OR9Q1: variants seen among roughly 807,000 people sequenced by gnomAD.
OR9Q1 encodes olfactory receptor 9Q1.
For missense variants in OR9Q1, 374 were observed against 378.8 expected, an observed-to-expected ratio of 0.99 and a Z score of 0.11; for synonymous variants, 153 against 148.6, an observed-to-expected ratio of 1.03 and a Z score of -0.22.
intron 2 of OR9Q1, among the ~76,000 whole-genome samples, chr11:58,084,749 T>C (rs970500847): frequency 3.9e-5 from 6 of 152,032 alleles, no homozygotes; most frequent in African/African-American, 1.5e-4. Flanking sequence ...CATCCTTTCA[T>C]GTTAGAAACC....
chr11:58,056,846 A>G (rs908025941), intron 2 of OR9Q1, among the ~76,000 whole-genome samples: 3 of 152,132 alleles, frequency 2.0e-5, no homozygotes. Flanking sequence ...CCCATCCCCA[A>G]GCCTCTCACT....
intron 2 of OR9Q1, among the ~76,000 whole-genome samples, chr11:58,170,323 A>G (rs1319032645): frequency 1.4e-5 from 2 of 141,006 alleles, no homozygotes; most frequent in East Asian, 2.9e-4. Flanking sequence ...CAGCCTACAC[A>G]TAACATTTTT....
intron 2 of OR9Q1, among the ~76,000 whole-genome samples, chr11:58,173,287 TC>T (rs1854572490): frequency 1.6e-5 from 1 of 61,326 alleles, no homozygotes; most frequent in Admixed American, 2.4e-4. Context: ...CCCTCCCCCC[TC>T]CCCCCACCCC....
intron 2 of OR9Q1, among the ~76,000 whole-genome samples, chr11:58,123,753 T>C (rs1854059845): frequency 6.6e-6 from 1 of 152,164 alleles, no homozygotes; most frequent in East Asian, 1.9e-4. Flanking sequence ...AGAAAGACCC[T>C]TTATGCAGAT....
intron 2 of OR9Q1, chr11:58,059,947 G>C (rs1246690788): frequency 3.9e-5 from 6 of 152,100 alleles, no homozygotes; most frequent in African/African-American, 1.4e-4. Flanking sequence ...CACTCTCCAG[G>C]CTTCTCTGTA....
intron 2 of OR9Q1, among the ~76,000 whole-genome samples, chr11:58,139,332 T>C (rs1477385067): frequency 5.9e-5 from 9 of 151,950 alleles, no homozygotes; most frequent in African/African-American, 2.2e-4. Context: ...GTGCACAATG[T>C]GCAGGTTTGT....
chr11:58,139,778 T>C (rs966499557), intron 2 of OR9Q1, among the ~76,000 whole-genome samples: 3 of 152,160 alleles, frequency 2.0e-5, no homozygotes, highest in Admixed American at 6.6e-5. Context: ...GCAAGTTTTA[T>C]AATCCTTTGG....
chr11:58,179,591 C>T lies in OR9Q1; in HGVS notation c.147C>T (p.Ile49=), dbSNP rs1275172087. The T allele has an allele frequency of 1.2e-6, 2 of 1,613,616 alleles. No individual in the cohort carries two copies. Among genetic ancestry groups the T allele is most frequent in the Non-Finnish European group, 1.7e-6 (2 of 1,179,782 alleles). The part of the protein sequence containing the change: ...VLGNLEMIIL[I]LMDHQLHAPM... ...GGAACTTAGAGATGATTATTCTGATCCTCATGGATCACCAGCTCCACGCTC... is the reference window on the plus strand; with the variant it reads ...GGAACTTAGAGATGATTATTCTGATTCTCATGGATCACCAGCTCCACGCTC... The change falls in exon 3 of 3, where the codon ATC becomes ATT. Residue 49 remains isoleucine (I), a synonymous_variant. Coordinates refer to ENST00000335397, the MANE Select transcript of OR9Q1 (RefSeq NM_001005212.4).
intron 1 of OR9Q1, among the ~76,000 whole-genome samples, chr11:58,043,540 C>A (rs1853187180): frequency 6.6e-6 from 1 of 152,182 alleles, no homozygotes; most frequent in Non-Finnish European, 1.5e-5. Flanking sequence ...ATCTGACCAC[C>A]TGCTTCCTAT....
chr11:58,029,296 C>G (rs1203179675), intron 1 of OR9Q1, among the ~76,000 whole-genome samples: 6 of 152,082 alleles, frequency 3.9e-5, no homozygotes, highest in African/African-American at 9.7e-5. Flanking sequence ...GGACTTAGTT[C>G]CTCTCCACCT....
intron 2 of OR9Q1, among the ~76,000 whole-genome samples, chr11:58,154,767 T>G (rs573469698): frequency 1.3e-5 from 2 of 152,248 alleles, no homozygotes; most frequent in African/African-American, 4.8e-5. Context: ...AAAAAGAAAG[T>G]TTCCCAAGGT....
chr11:58,139,301 A>C (rs1183872993), intron 2 of OR9Q1, among the ~76,000 whole-genome samples: 1 of 147,530 alleles, frequency 6.8e-6, no homozygotes, highest in Admixed American at 6.7e-5. Context: ...TTTTTATTAT[A>C]CTTTAAGTTT....
chr11:58,083,309 A>C (rs913646659), intron 2 of OR9Q1, among the ~76,000 whole-genome samples: 5 of 151,550 alleles, frequency 3.3e-5, no homozygotes, highest in African/African-American at 1.2e-4. Flanking sequence ...CCATTTTTTA[A>C]TGAGGTTATT....
chr11:58,104,869 G>C (rs1329532515), intron 2 of OR9Q1, among the ~76,000 whole-genome samples: 1 of 152,154 alleles, frequency 6.6e-6, no homozygotes, highest in Non-Finnish European at 1.5e-5. Flanking sequence ...ACATGAAGCA[G>C]ATCCCCCTGT....
rs1590589069 is a variant in OR9Q1, at chr11:58,099,173, A to T, written c.-15+43226A>T. On this transcript the variant is annotated intron_variant, in intron 2 of 2. Transcript: ENST00000335397. Reference sequence around the variant, plus strand: ...GTTTGGGATGTAGCATTTCCTATATATCAAATAGGTGAGGTTGCTTAATAG... The same window carrying T: ...GTTTGGGATGTAGCATTTCCTATATTTCAAATAGGTGAGGTTGCTTAATAG... Among the ~76,000 whole-genome samples, 2 of 151,414 alleles carry T rather than the reference A, an allele frequency of 1.3e-5. 1 individual carries two copies. Among genetic ancestry groups the T allele is most frequent in the East Asian group, 3.9e-4 (2 of 5,186 alleles).
chr11:58,093,943 A>G (rs139351819), intron 2 of OR9Q1, among the ~76,000 whole-genome samples: 3 of 152,238 alleles, frequency 2.0e-5, no homozygotes, highest in Admixed American at 2.0e-4. Context: ...CCACTACTGG[A>G]TATCTACCCA....
chr11:58,167,747 G>A (rs561926889), intron 2 of OR9Q1, among the ~76,000 whole-genome samples: 1 of 152,208 alleles, frequency 6.6e-6, no homozygotes, highest in Admixed American at 6.5e-5. Flanking sequence ...TCCTCTATGT[G>A]GTGTCTCATC....
At chr11:58,059,843 A>T (rs1853363226) in intron 2 of OR9Q1, 1 of 152,120 alleles carries the variant, frequency 6.6e-6, no homozygotes, top group Non-Finnish European at 1.5e-5. Flanking sequence ...ATGGCAGAAT[A>T]CCATCAAACC....
At chr11:58,175,440 C>T (rs979402428) in intron 2 of OR9Q1, among the ~76,000 whole-genome samples, 4 of 152,100 alleles carry the variant, frequency 2.6e-5, no homozygotes, top group African/African-American at 7.2e-5. Context: ...ACCTCCTCTG[C>T]GAAGCCCTCC....
Sources: allele counts gnomAD v4.1 joint callset (sites outside exome capture counted in the v4.1 genomes callset), GRCh38; gene constraint gnomAD v4.1.1; transcripts MANE v1.5; gene names NCBI Gene and HGNC (gene_info 2026-07-23, HGNC 2026-07-21).